BCKDHB: variants seen among roughly 807,000 people sequenced by gnomAD.
The protein encoded by BCKDHB is branched chain keto acid dehydrogenase E1 subunit beta.
BCKDHB carries 41 observed loss-of-function variants against 48.5 expected under a neutral mutation model. The ratio of observed to expected loss-of-function variants is 0.85; its 90% CI spans 0.66 to 1.10. The LOEUF is 1.10. Ranked by LOEUF, BCKDHB falls within the 50% of genes least tolerant of loss-of-function variation. The pLI, the probability that BCKDHB is intolerant of heterozygous loss-of-function variation, is 0.00. For synonymous variants in BCKDHB, 201 were observed against 174.8 expected (o/e 1.15, Z -1.18); for missense variants, 496 against 494.2 (o/e 1.00, Z -0.03).
chr6:80,316,167 A>G (rs995633164), intron 9 of BCKDHB, among the ~76,000 whole-genome samples: 1 of 152,218 alleles, frequency 6.6e-6, no homozygotes, highest in African/African-American at 2.4e-5. Flanking sequence ...CAAGTTTAGG[A>G]TAATTTACTT....
At chr6:80,155,522 T>C (rs1339611343) in intron 3 of BCKDHB, among the ~76,000 whole-genome samples, 1 of 152,178 alleles carries the variant, frequency 6.6e-6, no homozygotes, top group Non-Finnish European at 1.5e-5. Flanking sequence ...ATTTGAAGAC[T>C]ATGGGGTTAG....
chr6:80,383,796 C>G, the BCKDHB span, among the ~76,000 whole-genome samples: 1 of 152,114 alleles, frequency 6.6e-6, no homozygotes, highest in Non-Finnish European at 1.5e-5. Flanking sequence ...AGCATATTCT[C>G]TTCCCCATTC....
intron 8 of BCKDHB, among the ~76,000 whole-genome samples, chr6:80,251,279 C>G (rs1305500667): frequency 1.3e-5 from 2 of 152,144 alleles, no homozygotes; most frequent in African/African-American, 4.8e-5. Context: ...AAGCTTTTCA[C>G]AAATAATGCT....
the BCKDHB span, among the ~76,000 whole-genome samples, chr6:80,389,957 C>T: frequency 6.6e-6 from 1 of 152,162 alleles, no homozygotes; most frequent in Non-Finnish European, 1.5e-5. Context: ...TTGTGTTCTG[C>T]TGGCCTAGAG....
At chr6:80,432,671 T>A in the BCKDHB span, among the ~76,000 whole-genome samples, 1 of 152,316 alleles carries the variant, frequency 6.6e-6, no homozygotes, top group South Asian at 2.1e-4. Context: ...TTCTGAAGCC[T>A]ACTTCTGTCA....
At chr6:80,436,203 G>GA in the BCKDHB span, among the ~76,000 whole-genome samples, 2 of 131,016 alleles carry the variant, frequency 1.5e-5, no homozygotes, top group South Asian at 4.7e-4. Flanking sequence ...GCCCAGGCTG[G>GA]AGTGGAGTGC....
At chr6:80,176,030 C>T (rs914094398) in intron 6 of BCKDHB, among the ~76,000 whole-genome samples, 2 of 152,142 alleles carry the variant, frequency 1.3e-5, no homozygotes, top group African/African-American at 2.4e-5. Context: ...GTAGGAAAAA[C>T]GTTGGCTGCT....
intron 3 of BCKDHB, among the ~76,000 whole-genome samples, chr6:80,138,554 T>C (rs1347618779): frequency 1.3e-5 from 2 of 152,152 alleles, no homozygotes; most frequent in Non-Finnish European, 2.9e-5. Context: ...TTTGGTTTTT[T>C]GTTCTTGCGA....
At chr6:80,234,093 A>C (rs570200429) in intron 8 of BCKDHB, among the ~76,000 whole-genome samples, 3 of 152,202 alleles carry the variant, frequency 2.0e-5, no homozygotes, top group African/African-American at 7.2e-5. Flanking sequence ...ATCGAATGCC[A>C]CTGCTGCTGC....
At position 80,106,866 on chromosome 6, in the gene BCKDHB, C is replaced by CA. The variant is rs1562049281; in HGVS notation, c.174dup (p.Asp59ArgfsTer25). 6.2e-7 allele frequency: 1 copy of CA among 1,609,358 alleles called. No homozygotes were observed. Among genetic ancestry groups the CA allele is most frequent in the East Asian group, 2.2e-5 (1 of 44,764 alleles). ...CAGGTGGCTCATTTTACTTTCCAGC[C>CA]AGATCCGGAGCCCCGGGAGTACGGT... On this transcript the variant is annotated frameshift_variant, in exon 1 of 10. Coordinates refer to ENST00000320393, the MANE Select transcript of BCKDHB (RefSeq NM_183050.4). LOFTEE classifies it high-confidence loss of function.
chr6:80,341,245 C>G (rs1294763951), intron 9 of BCKDHB, among the ~76,000 whole-genome samples: 2 of 152,056 alleles, frequency 1.3e-5, no homozygotes, highest in South Asian at 2.1e-4. Context: ...TAAGGAAGCC[C>G]TATGTGTAAA....
intron 9 of BCKDHB, among the ~76,000 whole-genome samples, chr6:80,292,452 C>CTTA (rs796456730): frequency 5.3e-5 from 8 of 152,174 alleles, no homozygotes; most frequent in African/African-American, 1.9e-4. Flanking sequence ...TCGCGTGAGA[C>CTTA]TTATTCACTG....
chr6:80,459,198 C>T, the BCKDHB span, among the ~76,000 whole-genome samples: 1 of 152,028 alleles, frequency 6.6e-6, no homozygotes, highest in Non-Finnish European at 1.5e-5. Context: ...ACTGCAGCAC[C>T]ATTCACAGTA....
the BCKDHB span, among the ~76,000 whole-genome samples, chr6:80,379,883 A>G: frequency 7.0e-4 from 107 of 152,080 alleles, no homozygotes; most frequent in Middle Eastern, 0.014. Context: ...GAATACATTT[A>G]ACAAAGATCT....
At chr6:80,401,027 C>A in the BCKDHB span, among the ~76,000 whole-genome samples, 8 of 146,746 alleles carry the variant, frequency 5.5e-5, no homozygotes, top group African/African-American at 2.2e-4. Context: ...AACATATAGA[C>A]ACAAAAAGGG....
At chr6:80,421,989 A>C in the BCKDHB span, among the ~76,000 whole-genome samples, 1 of 152,190 alleles carries the variant, frequency 6.6e-6, no homozygotes, top group African/African-American at 2.4e-5. Context: ...AGGAGCAATA[A>C]GTTAGTAGCC....
At chr6:80,421,029 G>A in the BCKDHB span, among the ~76,000 whole-genome samples, 3 of 152,140 alleles carry the variant, frequency 2.0e-5, no homozygotes, top group African/African-American at 7.2e-5. Context: ...TAAACTCTGG[G>A]GCTCTGATAT....
At chr6:80,291,807 C>T (rs764097137) in intron 9 of BCKDHB, among the ~76,000 whole-genome samples, 6 of 152,084 alleles carry the variant, frequency 3.9e-5, no homozygotes, top group South Asian at 4.1e-4. Context: ...TAATTTTTTT[C>T]GTCTCTTCAG....
At chr6:80,390,468 CCTT>C in the BCKDHB span, among the ~76,000 whole-genome samples, 2 of 152,214 alleles carry the variant, frequency 1.3e-5, no homozygotes. Context: ...AGTATTTCCT[CCTT>C]CTTTTGTTAA....
Sources: allele counts gnomAD v4.1 joint callset (sites outside exome capture counted in the v4.1 genomes callset), GRCh38; gene constraint gnomAD v4.1.1; transcripts MANE v1.5; gene names NCBI Gene and HGNC (gene_info 2026-07-23, HGNC 2026-07-21).